Variants in PALM2AKAP2 observed in about 807,000 individuals in gnomAD.
PALM2AKAP2 encodes PALM2 and AKAP2 fusion, also known as PALM2-AKAP2 fusion protein.
PALM2AKAP2 carries 37 observed loss-of-function variants against 71.5 expected under a neutral mutation model. The observed-to-expected ratio is 0.52, with a 90% confidence interval of 0.40 to 0.68. The LOEUF is 0.68. Among genes scored for constraint, PALM2AKAP2 ranks in the 30% least tolerant of loss-of-function variants. PALM2AKAP2 has a pLI of 0.00. For synonymous variants in PALM2AKAP2, 468 were observed against 478.8 expected, an observed-to-expected ratio of 0.98 and a Z score of 0.29; for missense variants, 1,224 against 1,191.8, an observed-to-expected ratio of 1.03 and a Z score of -0.40.
chr9:109,714,326 C>G (rs1828285599), intron 1 of PALM2AKAP2, among the ~76,000 whole-genome samples: 1 of 152,190 alleles, frequency 6.6e-6, no homozygotes, highest in Non-Finnish European at 1.5e-5. Flanking sequence ...CTCTGGAATC[C>G]CAAACCTTCA....
At chr9:109,891,183 G>A (rs1830080133) in intron 3 of PALM2AKAP2, among the ~76,000 whole-genome samples, 2 of 152,154 alleles carry the variant, frequency 1.3e-5, no homozygotes, top group South Asian at 2.1e-4. Context: ...GGCCATTGCT[G>A]GGCCACATGG....
intron 3 of PALM2AKAP2, among the ~76,000 whole-genome samples, chr9:109,912,494 A>G (rs1467695794): frequency 6.6e-6 from 1 of 152,222 alleles, no homozygotes; most frequent in Non-Finnish European, 1.5e-5. Flanking sequence ...AATAAAAGGA[A>G]GCTGTTTCCT....
chr9:109,805,578 G>A (rs1325738639), intron 1 of PALM2AKAP2, among the ~76,000 whole-genome samples: 3 of 152,168 alleles, frequency 2.0e-5, no homozygotes, highest in Non-Finnish European at 4.4e-5. Flanking sequence ...AAAACCTGTG[G>A]CTATCAGTTT....
intron 1 of PALM2AKAP2, among the ~76,000 whole-genome samples, chr9:109,683,405 A>G (rs1827765505): frequency 6.6e-6 from 1 of 152,162 alleles, no homozygotes; most frequent in Non-Finnish European, 1.5e-5. Context: ...GTGGAAATGG[A>G]GGCAGAGATT....
At chr9:109,781,045 G>A (rs1230669708) in intron 1 of PALM2AKAP2, among the ~76,000 whole-genome samples, 1 of 152,190 alleles carries the variant, frequency 6.6e-6, no homozygotes, top group African/African-American at 2.4e-5. Context: ...ATATTGACAA[G>A]GGCACTGGCA....
At chr9:109,746,061 G>A (rs12685999) in intron 1 of PALM2AKAP2, among the ~76,000 whole-genome samples, 46,432 of 152,068 alleles carry the variant, frequency 0.31, 7,237 homozygotes, top group Middle Eastern at 0.41. Context: ...CTCTCTCCCA[G>A]GAGGGTTCAC....
chr9:109,951,956 CTAAG>C (rs1293700257), intron 6 of PALM2AKAP2, among the ~76,000 whole-genome samples: 2 of 152,216 alleles, frequency 1.3e-5, no homozygotes, highest in Non-Finnish European at 2.9e-5. Context: ...GCCCCTTAGG[CTAAG>C]TGACAGGGTT....
chr9:110,137,227 T>G, exon 2 of PALM2AKAP2: 2 of 1,614,250 alleles, frequency 1.2e-6, no homozygotes, highest in Non-Finnish European at 8.5e-7. Flanking sequence ...GCAAACAATT[T>G]CAGCTGATGG....
intron 1 of PALM2AKAP2, among the ~76,000 whole-genome samples, chr9:109,792,027 C>T (rs527659336): frequency 6.0e-4 from 92 of 152,230 alleles, no homozygotes; most frequent in Non-Finnish European, 1.2e-4. Context: ...TATTTAATTA[C>T]AAAACCAATA....
chr9:110,021,757 C>A (rs888650654), intron 7 of PALM2AKAP2, among the ~76,000 whole-genome samples: 11 of 140,852 alleles, frequency 7.8e-5, no homozygotes, highest in Non-Finnish European at 1.6e-4. Flanking sequence ...AAAAAAAAAA[C>A]AGGTATGGAT....
At chr9:109,686,579 A>G (rs1038936252) in intron 1 of PALM2AKAP2, among the ~76,000 whole-genome samples, 2 of 152,200 alleles carry the variant, frequency 1.3e-5, no homozygotes, top group African/African-American at 4.8e-5. Context: ...TGCTGTAAAC[A>G]GCAGATGTGC....
At chr9:110,165,284 TCACACACACACACACACACACA>T (rs58758256) in intron 3 of PALM2AKAP2, among the ~76,000 whole-genome samples, 1 of 142,270 alleles carries the variant, frequency 7.0e-6, no homozygotes, top group Non-Finnish European at 1.5e-5. Flanking sequence ...TGCTAGAGAT[TCACACACACACACACACACACA>T]CACACACACA....
At chr9:109,853,595 A>G (rs1179434844) in intron 1 of PALM2AKAP2, among the ~76,000 whole-genome samples, 2 of 152,358 alleles carry the variant, frequency 1.3e-5, no homozygotes, top group African/African-American at 2.4e-5. Context: ...TGCAGTAAAT[A>G]TCATTAAGTA....
chr9:109,937,144 A>AG, intron 6 of PALM2AKAP2, among the ~76,000 whole-genome samples: 1 of 151,630 alleles, frequency 6.6e-6, no homozygotes. Flanking sequence ...GTGTAGAGCC[A>AG]GGGGGATAAG....
chr9:109,889,310 G>C (rs1340215778), intron 3 of PALM2AKAP2, among the ~76,000 whole-genome samples: 3 of 152,230 alleles, frequency 2.0e-5, no homozygotes, highest in Non-Finnish European at 4.4e-5. Flanking sequence ...TAACTGACAT[G>C]TTATGCGGAT....
rs554400384 is a variant in PALM2AKAP2 at position 109,689,499 on chromosome 9, CA to C, written c.5+48638del. 2.8e-3 allele frequency among the ~76,000 whole-genome samples: 427 copies of C among 152,232 alleles called. 3 individuals carry two copies. Among genetic ancestry groups the C allele is most frequent in the African/African-American group, 0.01 (416 of 41,544 alleles). The stretch of plus-strand genomic sequence containing the variant: ...ACAGGCGTGAGCCACTGCTCCTGGC[CA>C]AAAACAATACCTTCTTTAAAGCCTT... On this transcript the variant is annotated intron_variant, in intron 1 of 6. Transcript: ENST00000374531.
intron 1 of PALM2AKAP2, among the ~76,000 whole-genome samples, chr9:109,734,920 A>T (rs924953824): frequency 2.0e-5 from 3 of 152,030 alleles, no homozygotes; most frequent in Admixed American, 6.6e-5. Flanking sequence ...CTGGAGAAAT[A>T]GATCCAAGCC....
At chr9:109,949,201 G>A (rs1297649881) in intron 6 of PALM2AKAP2, among the ~76,000 whole-genome samples, 1 of 152,170 alleles carries the variant, frequency 6.6e-6, no homozygotes, top group Non-Finnish European at 1.5e-5. Flanking sequence ...TGCCTTTCAG[G>A]GAGACAGGCC....
intron 1 of PALM2AKAP2, among the ~76,000 whole-genome samples, chr9:110,085,368 T>C (rs1254724591): frequency 6.6e-6 from 1 of 152,042 alleles, no homozygotes; most frequent in African/African-American, 2.4e-5. Flanking sequence ...AAACCAGGGA[T>C]ATAGAAACTC....
Sources: gnomAD v4.1 joint callset for allele counts (sites outside exome capture counted in the v4.1 genomes callset) on GRCh38, gnomAD v4.1.1 for gene constraint, MANE v1.5 for transcripts, NCBI Gene and HGNC (gene_info 2026-07-23, HGNC 2026-07-21) for gene names.